SGSM1: variants seen among roughly 807,000 people sequenced by gnomAD.
SGSM1 encodes the protein small G protein signaling modulator 1.
In SGSM1, 73 loss-of-function variants were observed where a neutral mutation model predicts 133.8. The observed-to-expected ratio is 0.55, with a 90% CI of 0.45 to 0.66. The LOEUF (loss-of-function observed/expected upper bound fraction) is 0.66. Ranked by LOEUF, SGSM1 falls within the 30% of genes least tolerant of loss-of-function variation. The pLI is 0.00. For synonymous variants in SGSM1, 563 were observed against 573.0 expected (o/e 0.98, Z 0.25); for missense variants, 1,213 against 1,448.1 (o/e 0.84, Z 2.64).
intron 12 of SGSM1, among the ~76,000 whole-genome samples, chr22:24,875,648 AAAAAAAGAAAGAAAG>A (rs1569158627): frequency 1.3e-5 from 2 of 151,966 alleles, no homozygotes; most frequent in Admixed American, 6.5e-5. Context: ...TCAGAAAAAA[AAAAAAAGAAAGAAAG>A]AAAAAAGAAA....
intron 21 of SGSM1, among the ~76,000 whole-genome samples, chr22:24,905,743 C>T (rs1287252752): frequency 6.9e-6 from 1 of 144,716 alleles, no homozygotes; most frequent in African/African-American, 2.6e-5. Context: ...GAACCGAGAT[C>T]ACACCACTGT....
chr22:24,877,648 G>C (rs1048042418), intron 13 of SGSM1, among the ~76,000 whole-genome samples: 1 of 151,936 alleles, frequency 6.6e-6, no homozygotes, highest in Non-Finnish European at 1.5e-5. Flanking sequence ...TGGTTCCTCA[G>C]GGTGTGGTCC....
intron 13 of SGSM1, among the ~76,000 whole-genome samples, chr22:24,877,543 T>C (rs1425724644): frequency 6.6e-6 from 1 of 152,076 alleles, no homozygotes; most frequent in Admixed American, 6.6e-5. Flanking sequence ...CCTTTTGTCC[T>C]TGCGGGGCTT....
intron 9 of SGSM1, among the ~76,000 whole-genome samples, chr22:24,865,216 G>A (rs189784891): frequency 7.2e-4 from 109 of 152,334 alleles, no homozygotes; most frequent in Non-Finnish European, 1.3e-3. Flanking sequence ...TCACAGAGAA[G>A]TGAACAAAGC....
chr22:24,828,528 C>G (rs1177034653), intron 2 of SGSM1, among the ~76,000 whole-genome samples: 1 of 152,076 alleles, frequency 6.6e-6, no homozygotes, highest in African/African-American at 2.4e-5. Context: ...CATCACTGGT[C>G]GTTAGAGAAA....
intron 9 of SGSM1, among the ~76,000 whole-genome samples, chr22:24,863,930 G>A (rs576834529): frequency 2.0e-5 from 3 of 151,874 alleles, no homozygotes; most frequent in East Asian, 1.9e-4. Context: ...TAGTAGAGAC[G>A]GGGTTTTTCC....
At chr22:24,855,846 C>T (rs1023030908) in intron 8 of SGSM1, 166 bp downstream of exon 8, 1 of 1,005,876 alleles carries the variant, frequency 9.9e-7, no homozygotes, top group South Asian at 1.4e-5. Context: ...TCTATATTTA[C>T]ACGCACCCAT....
intron 9 of SGSM1, among the ~76,000 whole-genome samples, chr22:24,866,632 A>G (rs1402300125): frequency 6.6e-6 from 1 of 152,214 alleles, no homozygotes; most frequent in Non-Finnish European, 1.5e-5. Flanking sequence ...TCTCAGGCAT[A>G]GTCGCTTCCA....
intron 2 of SGSM1, among the ~76,000 whole-genome samples, chr22:24,836,689 T>A (rs908327023): frequency 6.6e-6 from 1 of 152,238 alleles, no homozygotes; most frequent in African/African-American, 2.4e-5. Context: ...CATTTCCCAT[T>A]GAACATCTTT....
chr22:24,890,140 C>T (rs376763347), intron 16 of SGSM1, among the ~76,000 whole-genome samples: 24 of 151,588 alleles, frequency 1.6e-4, no homozygotes, highest in Middle Eastern at 3.4e-3. Flanking sequence ...GTATTTTTAG[C>T]AGAGACAGGG....
intron 20 of SGSM1, 90 bp downstream of exon 20, chr22:24,902,047 G>A: frequency 1.5e-6 from 2 of 1,347,558 alleles, no homozygotes; most frequent in Non-Finnish European, 2.0e-6. Context: ...AGTTATTTCA[G>A]CTTCTGAAGC....
At position 24,855,632 on chromosome 22, in the gene SGSM1, C is replaced by T. The variant is rs1414142998; in HGVS notation, c.753C>T (p.Asn251=). The stretch of plus-strand genomic sequence containing the variant: ...ACTACGTGGAGTCCCTGCATCAGAA[C>T]TCCCGTGCCACCCTTCTCTATGGCA... The part of the protein sequence containing the change: ...ARDYVESLHQ[N]SRATLLYGKN... The change falls in exon 8 of 25, where the codon AAC becomes AAT. Residue 251 remains asparagine (N), a synonymous_variant. Transcript: ENST00000400358. 3 of 1,613,916 alleles carry T rather than the reference C, an allele frequency of 1.9e-6. No homozygotes were observed. The Admixed American group carries it at 5.0e-5, about 27-fold the overall frequency.
chr22:24,924,261 T>C lies in SGSM1; in HGVS notation c.3269T>C (p.Ile1090Thr), dbSNP rs756756146. 15 of 1,613,756 alleles carry C rather than the reference T, an allele frequency of 9.3e-6. No individual in the cohort carries two copies. Among genetic ancestry groups the C allele is most frequent in the African/African-American group, 1.3e-5 (1 of 74,910 alleles). ...CTCGTGTACAAGGTGCAGACTCTGA[T>C]TGAGAACAAGTGAGGGGCACCTCAC... is the stretch of plus-strand genomic sequence containing the variant. The part of the protein sequence containing the change: ...RDLVYKVQTL[I>T]ENK Residue 1090 changes from isoleucine to threonine, a missense_variant, in exon 25 of 25, where the codon ATT becomes ACT. Physicochemically the swap from Ile to Thr is moderately conservative, Grantham distance 89. Coordinates refer to ENST00000400358, the MANE Select transcript of SGSM1 (RefSeq NM_001098497.3).
chr22:24,909,366 G>T (rs1040505421), intron 21 of SGSM1, among the ~76,000 whole-genome samples: 8 of 152,106 alleles, frequency 5.3e-5, no homozygotes. Context: ...GAAAATCACG[G>T]GTTGATAAGA....
At chr22:24,913,804 G>A (rs1415969868) in intron 22 of SGSM1, among the ~76,000 whole-genome samples, 1 of 149,492 alleles carries the variant, frequency 6.7e-6, no homozygotes, top group Non-Finnish European at 1.5e-5. Flanking sequence ...CGGATCACTT[G>A]AGGTCAGGAG....
chr22:24,896,919 G>A (rs1932929294), intron 18 of SGSM1, among the ~76,000 whole-genome samples: 2 of 152,250 alleles, frequency 1.3e-5, no homozygotes, highest in African/African-American at 2.4e-5. Flanking sequence ...GGAGGTTGTG[G>A]TGAGCCAAGA....
rs1216524285 is a variant in SGSM1, at chr22:24,845,926, C to CTTTCTTTTCTTTTCTTTTCT, written c.139+957_139+976dup. ...TCTTGTAATTGACTTTGGGCAAGAT[C>CTTTCTTTTCTTTTCTTTTCT]TTTCTTTTCTTTTCTTTTCTTTCTT... is the stretch of plus-strand genomic sequence containing the variant. On this transcript the variant is annotated intron_variant, in intron 3 of 24. Coordinates refer to ENST00000400358, the MANE Select transcript of SGSM1 (RefSeq NM_001098497.3). Among the ~76,000 whole-genome samples the CTTTCTTTTCTTTTCTTTTCT allele has an allele frequency of 8.9e-4, 131 of 147,118 alleles. 2 individuals carry two copies. In the East Asian group the frequency reaches 0.012, roughly 14 times the overall value.
At chr22:24,881,658 G>A (rs545189051) in intron 14 of SGSM1, among the ~76,000 whole-genome samples, 4 of 152,114 alleles carry the variant, frequency 2.6e-5, no homozygotes, top group African/African-American at 7.2e-5. Context: ...GCCATGCAGC[G>A]TGTGTTGTGT....
intron 8 of SGSM1, 143 bp downstream of exon 8, chr22:24,855,823 A>G: frequency 1.7e-6 from 2 of 1,204,304 alleles, no homozygotes; most frequent in Non-Finnish European, 2.4e-6. Flanking sequence ...CCCAACACTC[A>G]TTCATCCATC....
Sources: allele counts gnomAD v4.1 joint callset (sites outside exome capture counted in the v4.1 genomes callset), GRCh38; gene constraint gnomAD v4.1.1; transcripts MANE v1.5; gene names NCBI Gene and HGNC (gene_info 2026-07-23, HGNC 2026-07-21).